The following GALNT13 variants were observed in gnomAD, a reference collection of about 807,000 sequenced individuals.
GALNT13 encodes polypeptide N-acetylgalactosaminyltransferase 13, also known as UDP-GalNAc:polypeptide N-acetylgalactosaminyltransferase 13.
GALNT13 carries 28 observed loss-of-function variants against 64.2 expected under a neutral mutation model. That is an observed-to-expected ratio of 0.44 (90% CI 0.32 to 0.60). The LOEUF (loss-of-function observed/expected upper bound fraction) is 0.60, where lower values mean the gene tolerates loss of function less well. Among genes scored for constraint, GALNT13 ranks in the 20% least tolerant of loss-of-function variants. The pLI, the probability that GALNT13 is intolerant of heterozygous loss-of-function variation, is 0.05. For missense variants in GALNT13, 577 were observed against 669.8 expected (o/e 0.86, Z 1.53); for synonymous variants, 214 against 224.6 (o/e 0.95, Z 0.42).
At chr2:153,857,300 C>G in the GALNT13 span, among the ~76,000 whole-genome samples, 1 of 152,068 alleles carries the variant, frequency 6.6e-6, no homozygotes. Flanking sequence ...TATTTACCAG[C>G]GTACCACTGA....
chr2:153,949,306 G>A (rs1692000561), intron 3 of GALNT13, among the ~76,000 whole-genome samples: 1 of 152,056 alleles, frequency 6.6e-6, no homozygotes, highest in Admixed American at 6.6e-5. Flanking sequence ...AAAAGGAAAA[G>A]TAAGTTAGAA....
the GALNT13 span, among the ~76,000 whole-genome samples, chr2:153,073,247 C>T: frequency 6.6e-6 from 1 of 152,072 alleles, no homozygotes; most frequent in Admixed American, 6.6e-5. Context: ...TGGGTTGTGG[C>T]TCCTCCTGTG....
intron 11 of GALNT13, chr2:154,437,390 A>AC (rs1701033186): frequency 2.5e-6 from 1 of 407,198 alleles, no homozygotes; most frequent in African/African-American, 2.2e-5. Flanking sequence ...TTATTTGTAA[A>AC]GCTGACTTCC....
At chr2:153,224,942 T>C in the GALNT13 span, among the ~76,000 whole-genome samples, 1 of 152,216 alleles carries the variant, frequency 6.6e-6, no homozygotes, top group African/African-American at 2.4e-5. Flanking sequence ...TTCCAGTAAG[T>C]GAAGGCAGAG....
chr2:153,815,145 C>A, the GALNT13 span, among the ~76,000 whole-genome samples: 4 of 152,182 alleles, frequency 2.6e-5, no homozygotes, highest in African/African-American at 9.7e-5. Context: ...CATAACAAGT[C>A]TTTCTCAGAT....
intron 3 of GALNT13, among the ~76,000 whole-genome samples, chr2:154,090,106 A>T (rs1701731975): frequency 6.6e-6 from 1 of 152,126 alleles, no homozygotes; most frequent in Non-Finnish European, 1.5e-5. Flanking sequence ...AAATGATGTG[A>T]GTACATAATA....
At chr2:153,911,576 T>A (rs1161533015) in intron 2 of GALNT13, among the ~76,000 whole-genome samples, 1 of 152,196 alleles carries the variant, frequency 6.6e-6, no homozygotes, top group Non-Finnish European at 1.5e-5. Flanking sequence ...TAGTGCTTTT[T>A]TCAGGAGCTC....
the GALNT13 span, among the ~76,000 whole-genome samples, chr2:153,832,006 T>C: frequency 6.6e-6 from 1 of 152,202 alleles, no homozygotes; most frequent in Admixed American, 6.5e-5. Context: ...AAACTTTTAA[T>C]TCCATGTCGA....
At chr2:153,488,618 A>G in the GALNT13 span, among the ~76,000 whole-genome samples, 12 of 152,216 alleles carry the variant, frequency 7.9e-5, no homozygotes, top group African/African-American at 1.9e-4. Flanking sequence ...TTTAATCTCT[A>G]TGGAGCTGGT....
At chr2:153,561,435 T>C in the GALNT13 span, among the ~76,000 whole-genome samples, 28,103 of 152,012 alleles carry the variant, frequency 0.18, 4,281 homozygotes, top group African/African-American at 0.41. Context: ...GTGCACCTTA[T>C]ACACATAGCC....
the GALNT13 span, among the ~76,000 whole-genome samples, chr2:153,258,440 A>T: frequency 6.6e-6 from 1 of 151,540 alleles, no homozygotes; most frequent in Non-Finnish European, 1.5e-5. Flanking sequence ...TGTATTTTTT[A>T]GTTTTAATAT....
intron 2 of GALNT13, among the ~76,000 whole-genome samples, chr2:153,923,030 G>C (rs1175477152): frequency 1.3e-5 from 2 of 152,032 alleles, no homozygotes; most frequent in African/African-American, 4.8e-5. Context: ...CTCCTGAGTA[G>C]CTGGGATTAC....
chr2:153,339,160 T>C, the GALNT13 span, among the ~76,000 whole-genome samples: 23,392 of 152,188 alleles, frequency 0.15, 1,874 homozygotes, highest in Non-Finnish European at 0.17. Flanking sequence ...TGGTGGGTTG[T>C]GTAGTTCTAG....
chr2:153,540,380 C>T, the GALNT13 span, among the ~76,000 whole-genome samples: 1 of 152,204 alleles, frequency 6.6e-6, no homozygotes, highest in East Asian at 1.9e-4. Context: ...GATGTCCAGG[C>T]AGAAGTTTGC....
chr2:154,082,542 C>T (rs1215879655), intron 3 of GALNT13, among the ~76,000 whole-genome samples: 1 of 151,690 alleles, frequency 6.6e-6, no homozygotes, highest in African/African-American at 2.4e-5. Flanking sequence ...TGTTTCTTCA[C>T]TGAAAGGAAC....
the GALNT13 span, among the ~76,000 whole-genome samples, chr2:153,221,630 C>G: frequency 6.6e-6 from 1 of 152,156 alleles, no homozygotes; most frequent in African/African-American, 2.4e-5. Context: ...GCAGGCTGCC[C>G]TTGGTTCTCA....
chr2:154,281,510 CAAGGCA>C (rs1446703914), intron 8 of GALNT13, among the ~76,000 whole-genome samples: 1 of 152,026 alleles, frequency 6.6e-6, no homozygotes, highest in Non-Finnish European at 1.5e-5. Context: ...CAGAAAACTC[CAAGGCA>C]AAGAAAGTTG....
the GALNT13 span, among the ~76,000 whole-genome samples, chr2:153,859,708 T>C: frequency 1.3e-5 from 2 of 152,270 alleles, no homozygotes; most frequent in African/African-American, 2.4e-5. Context: ...GAAATACAAA[T>C]TGGAGACAAC....
At chr2:154,294,664 A>G (rs992166726) in intron 8 of GALNT13, among the ~76,000 whole-genome samples, 34 of 152,224 alleles carry the variant, frequency 2.2e-4, no homozygotes, top group Non-Finnish European at 4.3e-4. Context: ...TTCATCCTTA[A>G]GCATTTGTTT....
Sources: allele counts gnomAD v4.1 joint callset (sites outside exome capture counted in the v4.1 genomes callset), GRCh38; gene constraint gnomAD v4.1.1; transcripts MANE v1.5; gene names NCBI Gene and HGNC (gene_info 2026-07-23, HGNC 2026-07-21).